Variants in PIWIL1 observed in about 807,000 individuals in gnomAD.
PIWIL1 encodes piwi like RNA-mediated gene silencing 1.
PIWIL1 carries 73 observed loss-of-function variants against 114.4 expected under a neutral mutation model. That is an observed-to-expected ratio of 0.64 (90% CI 0.53 to 0.78). The LOEUF is 0.78. Ranked by LOEUF, PIWIL1 falls within the 30% of genes least tolerant of loss-of-function variation. The pLI is 0.00. For synonymous variants in PIWIL1, 375 were observed against 369.0 expected, an observed-to-expected ratio of 1.02 and a Z score of -0.19; for missense variants, 723 against 1,063.1, an observed-to-expected ratio of 0.68 and a Z score of 4.45.
At chr12:130,398,960 A>G in the PIWIL1 span, 2 of 364,786 alleles carry the variant, frequency 5.5e-6, no homozygotes, top group Non-Finnish European at 1.0e-5. Flanking sequence ...ACCAAGTAAT[A>G]TTCTAATTAT....
chr12:130,348,179 C>T lies in PIWIL1; in HGVS notation c.730C>T (p.His244Tyr). Residue 244 changes from histidine (H) to tyrosine (Y), a missense_variant, in exon 7 of 21, where the codon CAC becomes TAC. His to Tyr is a moderately conservative substitution (Grantham distance 83). Around this residue, in one of 8 missense-constraint regions of PIWIL1, gnomAD observed 190 missense variants for 294.4 expected, o/e 0.65. Transcript: ENST00000245255. Reference sequence around the variant, plus strand: ...AAATGACCCAATTGATATTCCAAGTCACAGGTTTGTATGAAGTAGAACGTT... The same window carrying T: ...AAATGACCCAATTGATATTCCAAGTTACAGGTTTGTATGAAGTAGAACGTT... The part of the protein sequence containing the change: ...NPNDPIDIPS[H>Y]RLVIWPGFTT... The T allele has an allele frequency of 6.3e-7, 1 of 1,580,012 alleles. No homozygotes were observed. The highest frequency in any genetic ancestry group is 8.7e-7 in the Non-Finnish European group (1 of 1,150,158).
Position 130,371,744 on chromosome 12 carries a change from G to T in PIWIL1, c.*146G>T. 1.0e-5 allele frequency: 5 copies of T among 484,100 alleles called. No homozygotes were observed. The highest frequency in any genetic ancestry group is 6.6e-5 in the East Asian group (2 of 30,192). The allele number at this position is 484,100 out of a possible 1,614,324, so 30.0% of individuals were successfully genotyped here. A position where few individuals can be genotyped will look rare whatever the true frequency, so the allele number is the denominator to read the frequency against. ...GATCTAGCATTTTATTTCTAGCATT[G>T]CTATTCACCGGCTTCCTTATTTTAT... On this transcript the variant is annotated 3_prime_UTR_variant, in exon 21 of 21. Coordinates refer to ENST00000245255, the MANE Select transcript of PIWIL1 (RefSeq NM_004764.5).
chr12:130,369,523 AGT>A (rs1184276252), intron 19 of PIWIL1, among the ~76,000 whole-genome samples: 3 of 68,940 alleles, frequency 4.4e-5, no homozygotes, highest in African/African-American at 1.4e-4. Flanking sequence ...ACAGTGTAAA[AGT>A]GTTCCTATTT....
At chr12:130,350,295 C>T (rs1451544826) in intron 9 of PIWIL1, among the ~76,000 whole-genome samples, 1 of 152,150 alleles carries the variant, frequency 6.6e-6, no homozygotes, top group Non-Finnish European at 1.5e-5. Context: ...TACTGTCTCT[C>T]CCTCCATAAT....
the PIWIL1 span, among the ~76,000 whole-genome samples, chr12:130,379,475 C>T: frequency 1.1e-5 from 1 of 92,744 alleles, no homozygotes; most frequent in Non-Finnish European, 2.2e-5. Context: ...CTTCAATTCC[C>T]TCATCCCAGT....
intron 5 of PIWIL1, 56 bp from the exon 6 acceptor site, chr12:130,346,885 G>A: frequency 1.9e-6 from 3 of 1,580,864 alleles, no homozygotes; most frequent in Non-Finnish European, 2.6e-6. Context: ...TATGTGATTG[G>A]GCATAATTGT....
At chr12:130,369,456 T>G (rs962635724) in intron 19 of PIWIL1, among the ~76,000 whole-genome samples, 1 of 152,198 alleles carries the variant, frequency 6.6e-6, no homozygotes, top group Non-Finnish European at 1.5e-5. Flanking sequence ...GTTCTAGATC[T>G]TTGAGGAATC....
intron 1 of PIWIL1, chr12:130,339,642 T>TA (rs2072843583): frequency 6.6e-6 from 1 of 152,184 alleles, no homozygotes; most frequent in Admixed American, 6.5e-5. Context: ...TGGAAGGAGA[T>TA]AAAGCTGAAA....
downstream of PIWIL1, among the ~76,000 whole-genome samples, chr12:130,374,915 T>G (rs945985521): frequency 1.3e-5 from 2 of 152,138 alleles, no homozygotes; most frequent in Non-Finnish European, 2.9e-5. Flanking sequence ...AAACTCGGCT[T>G]TCTCCCGGGT....
At chr12:130,399,081 G>GTATC in the PIWIL1 span, 1 of 1,242,074 alleles carries the variant, frequency 8.1e-7, no homozygotes, top group Non-Finnish European at 1.1e-6. Flanking sequence ...GCTTAAGTTG[G>GTATC]TATCTTTATC....
rs145330850 is a variant in PIWIL1 at position 130,361,305 on chromosome 12, C to T, written c.1791C>T (p.Val597=). ...GAACCTTAGGCAAACAGCAAACTGT[C>T]ATGGCCATTGCTACAAAGATTGCCC... is the stretch of plus-strand genomic sequence containing the variant. ...VARTLGKQQT[V]MAIATKIALQ... Residue 597 remains valine, a synonymous_variant, in exon 15 of 21, where the codon GTC becomes GTT. Coordinates refer to ENST00000245255, the MANE Select transcript of PIWIL1 (RefSeq NM_004764.5). 22 of 1,614,058 alleles carry T rather than the reference C, an allele frequency of 1.4e-5. No individual in the cohort carries two copies. Among genetic ancestry groups the T allele is most frequent in the Non-Finnish European group, 1.7e-5 (20 of 1,180,040 alleles).
intron 3 of PIWIL1, among the ~76,000 whole-genome samples, chr12:130,343,705 A>G (rs2072993077): frequency 1.4e-5 from 2 of 145,384 alleles, no homozygotes; most frequent in Admixed American, 7.2e-5. Flanking sequence ...TGCTCACTGC[A>G]GACTCCACCT....
chr12:130,348,056 AT>A, intron 6 of PIWIL1, 46 bp from the exon 7 acceptor site: 1 of 1,258,622 alleles, frequency 7.9e-7, no homozygotes, highest in Non-Finnish European at 1.2e-6. Flanking sequence ...TGATTGTCGT[AT>A]TAGAGATACT....
the PIWIL1 span, chr12:130,383,737 T>C: frequency 6.6e-6 from 1 of 152,380 alleles, no homozygotes; most frequent in Admixed American, 6.5e-5. Flanking sequence ...ACGTAATTTT[T>C]GTTAAAGCAT....
At chr12:130,386,436 CACTACCCCTTCCT>C in the PIWIL1 span, among the ~76,000 whole-genome samples, 1 of 66,474 alleles carries the variant, frequency 1.5e-5, no homozygotes, top group Non-Finnish European at 3.6e-5. Flanking sequence ...CACCCATGCA[CACTACCCCTTCCT>C]GTCTCCATTC....
the PIWIL1 span, among the ~76,000 whole-genome samples, chr12:130,393,442 A>G: frequency 1.3e-5 from 2 of 149,810 alleles, no homozygotes; most frequent in Non-Finnish European, 3.0e-5. Flanking sequence ...GAATGTTGTG[A>G]TGACCCGGTC....
At chr12:130,419,557 AC>A in the PIWIL1 span, 2 of 152,202 alleles carry the variant, frequency 1.3e-5, no homozygotes, top group Non-Finnish European at 2.9e-5. The surrounding 1 kb of genome is among the most constrained non-coding windows in gnomAD (Gnocchi z 4.3). Context: ...TTGCAGGGAA[AC>A]CTGAAGAAAA....
intron 9 of PIWIL1, among the ~76,000 whole-genome samples, chr12:130,352,650 C>A (rs193234095): frequency 1.3e-5 from 2 of 152,170 alleles, no homozygotes; most frequent in South Asian, 2.1e-4. Context: ...CCAGCCTGGG[C>A]GACAGAATGA....
downstream of PIWIL1, among the ~76,000 whole-genome samples, chr12:130,377,571 G>C (rs145372554): frequency 1.3e-5 from 2 of 152,364 alleles, no homozygotes; most frequent in Non-Finnish European, 2.9e-5. Context: ...CTAAATCTCA[G>C]CTTCCGGCTG....
Sources: gnomAD v4.1 joint callset for allele counts (sites outside exome capture counted in the v4.1 genomes callset) on GRCh38, gnomAD v4.1.1 for gene constraint, gnomAD v4.1.1 regional missense constraint, Gnocchi (gnomAD v3.1) non-coding constraint, MANE v1.5 for transcripts, NCBI Gene and HGNC (gene_info 2026-07-23, HGNC 2026-07-21) for gene names.